Variants in SLC44A2 observed in about 807,000 individuals in gnomAD.
SLC44A2 encodes the protein solute carrier family 44 member 2 (CTL2 blood group).
In SLC44A2, 57 loss-of-function variants were observed where a neutral mutation model predicts 90.8. The observed-to-expected ratio is 0.63, with a 90% CI of 0.51 to 0.78. The LOEUF (loss-of-function observed/expected upper bound fraction) is 0.78. SLC44A2 is among the 30% of genes least tolerant of loss of function. SLC44A2 has a pLI of 0.00. For synonymous variants in SLC44A2, 355 were observed against 360.7 expected (o/e 0.98, Z 0.18); for missense variants, 794 against 919.7 (o/e 0.86, Z 1.77).
intron 1 of SLC44A2, among the ~76,000 whole-genome samples, chr19:10,615,922 T>G (rs1209092289): frequency 6.6e-6 from 1 of 152,006 alleles, no homozygotes; most frequent in Non-Finnish European, 1.5e-5. Flanking sequence ...CCCAGCACTT[T>G]GGGCGGCCAA....
At chr19:10,637,400 G>T in intron 16 of SLC44A2, 1 of 507,306 alleles carries the variant, frequency 2.0e-6, no homozygotes, top group Non-Finnish European at 3.5e-6. Flanking sequence ...AAGGGCTCTG[G>T]GGCTGGGATT....
chr19:10,632,365 C>T (rs1038592278), intron 10 of SLC44A2, among the ~76,000 whole-genome samples: 4 of 151,746 alleles, frequency 2.6e-5, no homozygotes, highest in African/African-American at 4.8e-5. Flanking sequence ...GGAGAAACCC[C>T]GTCTCTACTA....
At position 10,642,410 on chromosome 19, in the gene SLC44A2, G is replaced by A. The variant is rs1207501416; in HGVS notation, c.1973G>A (p.Ser658Asn). The A allele has an allele frequency of 6.2e-7, 1 of 1,614,058 alleles. No homozygotes were observed. The highest frequency in any genetic ancestry group is 8.5e-7 in the Non-Finnish European group (1 of 1,180,050). Reference sequence around the variant, plus strand: ...TACTTGATTGCACACGGTTTCTTCAGCGTCTATGGCATGTGTGTGGACACG... The same window carrying A: ...TACTTGATTGCACACGGTTTCTTCAACGTCTATGGCATGTGTGTGGACACG... ...GSYLIAHGFF[S>N]VYGMCVDTLF... is the part of the protein sequence containing the mutation. Residue 658 changes from serine (S) to asparagine (N), a missense_variant, in exon 21 of 22, where the codon AGC (serine) becomes AAC (asparagine). Around this residue, in one of 3 missense-constraint regions of SLC44A2, gnomAD observed 12 missense variants for 34.7 expected, o/e 0.35. Transcript: ENST00000335757.
Position 10,626,257 on chromosome 19 carries a change from G to T in SLC44A2, c.42G>T (p.Thr14=). 6.2e-7 allele frequency: 1 copy of T among 1,613,068 alleles called. No homozygotes were observed. The highest frequency in any genetic ancestry group is 1.7e-4 in the Middle Eastern group (1 of 6,060). The stretch of plus-strand genomic sequence containing the variant: ...CTTAATCTTCTTGACTTTCAGGAAC[G>T]CCACAGAAGTATGATCCCACTTTCA... ...ERPHYYGKHG[T]PQKYDPTFKG... Residue 14 remains threonine, a synonymous_variant, in exon 2 of 22, where the codon ACG becomes ACT. Transcript: ENST00000335757.
chr19:10,605,061 C>T (rs571622326), intron 1 of SLC44A2, among the ~76,000 whole-genome samples: 9 of 152,086 alleles, frequency 5.9e-5, no homozygotes, highest in South Asian at 2.1e-4. Flanking sequence ...AAACTGGGGT[C>T]GGGGGGACAG....
At chr19:10,603,214 C>G (rs1315062359) in intron 1 of SLC44A2, among the ~76,000 whole-genome samples, 2 of 152,176 alleles carry the variant, frequency 1.3e-5, no homozygotes, top group South Asian at 2.1e-4. Flanking sequence ...CTCCGGCGAA[C>G]CTCTTGGGGC....
In SLC44A2 at chr19:10,637,664, A is replaced by T; in HGVS notation, c.1612A>T (p.Lys538Ter). Residue 538 changes from lysine to a stop codon, truncating the protein, a stop_gained, in exon 17 of 22, where the codon AAG becomes TAG. Transcript: ENST00000335757. LOFTEE classifies it high-confidence loss of function. ...TCCAGCTGCAGAGAACAAGTTTGCC[A>T]AGTGCCTCATGACCTGTCTCAAATG... ...RLKAAENKFA[K>*]CLMTCLKCCF... The T allele has an allele frequency of 6.2e-7, 1 of 1,614,152 alleles. No individual in the cohort carries two copies. Among genetic ancestry groups the T allele is most frequent in the Non-Finnish European group, 8.5e-7 (1 of 1,180,028 alleles).
intron 1 of SLC44A2, among the ~76,000 whole-genome samples, chr19:10,616,979 T>G (rs987071667): frequency 2.0e-5 from 3 of 152,054 alleles, no homozygotes; most frequent in African/African-American, 7.2e-5. Flanking sequence ...TGGAGTGCAG[T>G]GGCGCGATCT....
chr19:10,602,483 G>A, upstream of SLC44A2: 1 of 1,208,438 alleles, frequency 8.3e-7, no homozygotes, highest in Non-Finnish European at 1.0e-6. Context: ...CGCCCGCCCG[G>A]GCTGGGGTCG....
At chr19:10,613,378 T>C (rs2066829113) in intron 1 of SLC44A2, among the ~76,000 whole-genome samples, 1 of 151,776 alleles carries the variant, frequency 6.6e-6, no homozygotes, top group Non-Finnish European at 1.5e-5. Context: ...GCCTCCCGAG[T>C]AGCTGGGACT....
chr19:10,635,688 A>G, intron 14 of SLC44A2, 173 bp downstream of exon 14: 1 of 589,648 alleles, frequency 1.7e-6, no homozygotes, highest in Non-Finnish European at 2.9e-6. Flanking sequence ...TGGATCGAAC[A>G]ACTTCCCAGG....
chr19:10,636,843 C>A, intron 16 of SLC44A2, 87 bp downstream of exon 16: 2 of 1,365,258 alleles, frequency 1.5e-6, no homozygotes, highest in Non-Finnish European at 2.0e-6. Context: ...TGGAGGTGGG[C>A]GGGGCCAAGA....
In SLC44A2 at chr19:10,614,742, G is replaced by A. The variant is rs534745557; in HGVS notation, c.32-11511G>A. The stretch of plus-strand genomic sequence containing the variant: ...TCCCAGCACTTTGGGAGGCTGAGGC[G>A]GGCGGATCACCCGAGGTCAGGAGTT... On this transcript the variant is annotated intron_variant, in intron 1 of 21. Transcript: ENST00000407327. Among the ~76,000 whole-genome samples, 53 of 151,602 alleles carry A rather than the reference G, an allele frequency of 3.5e-4. No homozygotes were observed. The East Asian group carries it at 9.6e-3, about 28-fold the overall frequency.
chr19:10,634,628 G>A, intron 10 of SLC44A2, 128 bp from the exon 11 acceptor site: 1 of 1,342,380 alleles, frequency 7.4e-7, no homozygotes, highest in Non-Finnish European at 1.0e-6. Context: ...CGGGCGGTGG[G>A]AACTGCAAGT....
intron 16 of SLC44A2, chr19:10,637,443 A>T (rs1414544433): frequency 3.4e-6 from 2 of 583,986 alleles, no homozygotes; most frequent in Non-Finnish European, 6.1e-6. Flanking sequence ...AGGATCTCTC[A>T]CCCTGTCACC....
At chr19:10,618,670 G>A (rs972558193) in intron 1 of SLC44A2, among the ~76,000 whole-genome samples, 5 of 151,794 alleles carry the variant, frequency 3.3e-5, no homozygotes, top group South Asian at 2.1e-4. Flanking sequence ...TAGTAGAGAC[G>A]GGGTTTCACC....
intron 16 of SLC44A2, 199 bp from the exon 17 acceptor site, chr19:10,637,445 C>T (rs3843751): frequency 0.71 from 413,832 of 584,862 alleles, 147,696 homozygotes; most frequent in African/African-American, 0.85. Flanking sequence ...GATCTCTCAC[C>T]CTGTCACCCA....
intron 2 of SLC44A2, among the ~76,000 whole-genome samples, chr19:10,626,512 C>T (rs537630867): frequency 6.6e-6 from 1 of 150,756 alleles, no homozygotes; most frequent in Admixed American, 6.6e-5. Context: ...CTCCCGGGTT[C>T]GAGCAATTCT....
At chr19:10,622,418 G>A (rs879382080), upstream of SLC44A2, among the ~76,000 whole-genome samples, 13 of 152,098 alleles carry the variant, frequency 8.5e-5, no homozygotes, top group Non-Finnish European at 1.6e-4. Flanking sequence ...CTATAGTGAG[G>A]ATAGAAAGTG....
Sources: gnomAD v4.1 joint callset for allele counts (sites outside exome capture counted in the v4.1 genomes callset) on GRCh38, gnomAD v4.1.1 for gene constraint, gnomAD v4.1.1 regional missense constraint, MANE v1.5 for transcripts, NCBI Gene and HGNC (gene_info 2026-07-23, HGNC 2026-07-21) for gene names.